Variants in CDK13 observed in about 807,000 individuals in gnomAD.
CDK13 encodes the protein cyclin dependent kinase 13, also known as cyclin-dependent kinase 13.
In CDK13, 40 loss-of-function variants were observed where a neutral mutation model predicts 137.6. The ratio of observed to expected loss-of-function variants is 0.29; its 90% CI spans 0.23 to 0.38. CDK13 has a LOEUF of 0.38. Ranked by LOEUF, CDK13 falls within the 10% of genes least tolerant of loss-of-function variation. The probability of loss-of-function intolerance (pLI) is 1.00; values close to 1 mark genes in which losing one functional copy is unlikely to be tolerated. For missense variants in CDK13, 1,704 were observed against 1,951.8 expected (o/e 0.87, Z 2.39); for synonymous variants, 869 against 760.1 (o/e 1.14, Z -2.36).
chr7:40,020,981 C>T (rs1785104779), intron 5 of CDK13, among the ~76,000 whole-genome samples: 1 of 152,036 alleles, frequency 6.6e-6, no homozygotes, highest in Non-Finnish European at 1.5e-5. Context: ...GTCCCAGCTA[C>T]TTGGGAGGCT....
rs974244095 is a variant in CDK13, at chr7:39,994,800, A to G, written c.1872-2694A>G. ...GGCTTTTAGTTCTGGATCTCTGAAT[A>G]GGTTGACAGGGCAAATGCCACTTAA... On this transcript the variant is annotated intron_variant, in intron 2 of 13. Transcript: ENST00000181839. Among the ~76,000 whole-genome samples the G allele has an allele frequency of 7.0e-4, 106 of 152,200 alleles. 1 individual carries two copies. The highest frequency in any genetic ancestry group is 2.5e-3 in the African/African-American group (103 of 41,562).
intron 5 of CDK13, among the ~76,000 whole-genome samples, chr7:40,025,782 T>C (rs1206813899): frequency 1.3e-5 from 2 of 152,256 alleles, no homozygotes; most frequent in African/African-American, 4.8e-5. Flanking sequence ...ATTGAATTTA[T>C]TGTTTTATTG....
At position 39,972,232 on chromosome 7, in the gene CDK13, C is replaced by T. The variant is rs1217594474; in HGVS notation, c.1212-15367C>T. ...GTTGTTGTCGTTACTTTTAATATGG[C>T]ATAAGAACCATAAAGGAAGTGTATT... On this transcript the variant is annotated intron_variant, in intron 1 of 13. Transcript: ENST00000181839. Among the ~76,000 whole-genome samples the T allele has an allele frequency of 2.0e-5, 3 of 152,140 alleles. No individual in the cohort carries two copies. The East Asian group carries it at 5.8e-4, about 29-fold the overall frequency.
intron 1 of CDK13, among the ~76,000 whole-genome samples, chr7:39,957,530 G>C (rs951425606): frequency 2.0e-5 from 3 of 152,160 alleles, no homozygotes; most frequent in Non-Finnish European, 2.9e-5. Context: ...CTGTAAACTT[G>C]CTTGGTATTT....
intron 7 of CDK13, among the ~76,000 whole-genome samples, chr7:40,052,735 TTAA>T (rs1321832695): frequency 6.6e-6 from 1 of 152,118 alleles, no homozygotes; most frequent in East Asian, 1.9e-4. Context: ...GTTGAAGGTA[TTAA>T]TGAGAGAGGA....
intron 1 of CDK13, among the ~76,000 whole-genome samples, chr7:39,975,816 G>A (rs1033441359): frequency 6.6e-6 from 1 of 152,196 alleles, no homozygotes. Context: ...GGCCTTGTGA[G>A]TCACAACACA....
chr7:40,017,378 T>C (rs6946176), intron 5 of CDK13, among the ~76,000 whole-genome samples: 16,959 of 151,880 alleles, frequency 0.11, 3,110 homozygotes, highest in African/African-American at 0.38. Context: ...ATAGCTAAAT[T>C]AACTTATAAG....
intron 2 of CDK13, among the ~76,000 whole-genome samples, chr7:39,995,160 A>T (rs986558614): frequency 2.0e-5 from 3 of 152,034 alleles, no homozygotes; most frequent in African/African-American, 7.2e-5. Context: ...CTCATTTTCT[A>T]TTTTATTATT....
chr7:40,060,884 A>G (rs1421773511), intron 7 of CDK13: 11 of 152,304 alleles, frequency 7.2e-5, no homozygotes, highest in East Asian at 1.9e-4. Flanking sequence ...CCTGGCCAAC[A>G]TGGCAAAACC....
intron 1 of CDK13, chr7:39,952,829 C>T (rs920551334): frequency 1.7e-4 from 26 of 151,620 alleles, no homozygotes; most frequent in African/African-American, 6.3e-4. Flanking sequence ...GCTTTCTTGC[C>T]TTTTTTGTTA....
intron 5 of CDK13, among the ~76,000 whole-genome samples, chr7:40,027,283 C>T (rs996228875): frequency 1.3e-5 from 2 of 152,246 alleles, no homozygotes; most frequent in Non-Finnish European, 2.9e-5. Flanking sequence ...GCGAAGGTTA[C>T]AGTAAGCTGA....
intron 1 of CDK13, among the ~76,000 whole-genome samples, chr7:39,957,277 TC>T (rs1197042169): frequency 2.0e-5 from 3 of 152,222 alleles, no homozygotes; most frequent in African/African-American, 7.2e-5. Flanking sequence ...GAGACCTTTT[TC>T]CATTCATCTA....
intron 7 of CDK13, among the ~76,000 whole-genome samples, chr7:40,058,356 T>C (rs1173198101): frequency 6.6e-6 from 1 of 151,920 alleles, no homozygotes; most frequent in East Asian, 1.9e-4. Flanking sequence ...ATACCTGGTT[T>C]TATGCTTAAT....
At chr7:40,060,945 G>T (rs992381983) in intron 7 of CDK13, 1 of 152,202 alleles carries the variant, frequency 6.6e-6, no homozygotes, top group African/African-American at 2.4e-5. Context: ...GCGGGTGCCT[G>T]TAATCCCAGC....
At chr7:40,041,928 A>G (rs1047081586) in intron 5 of CDK13, among the ~76,000 whole-genome samples, 9 of 152,226 alleles carry the variant, frequency 5.9e-5, no homozygotes, top group Non-Finnish European at 1.3e-4. Context: ...AGAGTATGCA[A>G]TTTAAAAGTG....
chr7:40,089,721 A>AGTGT (rs1302558699), intron 12 of CDK13, among the ~76,000 whole-genome samples: 76 of 126,818 alleles, frequency 6.0e-4, no homozygotes, highest in African/African-American at 2.4e-3. Flanking sequence ...AGAGAGAGAG[A>AGTGT]GAGTGTGTGT....
chr7:40,013,549 C>T lies in CDK13; in HGVS notation c.2353+11518C>T, dbSNP rs116345423. Among the ~76,000 whole-genome samples the T allele has an allele frequency of 1.9e-3, 286 of 152,236 alleles. 1 individual carries two copies. Among genetic ancestry groups the T allele is most frequent in the African/African-American group, 6.6e-3 (274 of 41,548 alleles). The stretch of plus-strand genomic sequence containing the variant: ...ATATGATTCCATTTATATGAAATAT[C>T]TAGAATAGGTGCCAAATATTATCAG... On this transcript the variant is annotated intron_variant, in intron 5 of 13. Transcript: ENST00000181839.
intron 11 of CDK13, among the ~76,000 whole-genome samples, chr7:40,087,496 TA>T (rs2150543823): frequency 6.6e-6 from 1 of 151,968 alleles, no homozygotes; most frequent in East Asian, 1.9e-4. Context: ...GTGTATGATG[TA>T]CTATCATAAG....
At chr7:40,034,639 A>G (rs1025660798) in intron 5 of CDK13, among the ~76,000 whole-genome samples, 1 of 152,190 alleles carries the variant, frequency 6.6e-6, no homozygotes, top group African/African-American at 2.4e-5. Context: ...ATATTTGCAT[A>G]CTAGTGCTGT....
Sources: allele counts gnomAD v4.1 joint callset (sites outside exome capture counted in the v4.1 genomes callset), GRCh38; gene constraint gnomAD v4.1.1; transcripts MANE v1.5; gene names NCBI Gene and HGNC (gene_info 2026-07-23, HGNC 2026-07-21).